WDR76: variants seen among roughly 807,000 people sequenced by gnomAD.
WDR76 encodes WD repeat-containing protein 76.
WDR76 carries 52 observed loss-of-function variants against 70.2 expected under a neutral mutation model. The observed-to-expected ratio is 0.74, with a 90% CI of 0.59 to 0.93. The LOEUF (loss-of-function observed/expected upper bound fraction) is 0.93. WDR76 is among the 40% of genes least tolerant of loss of function. The pLI is 0.00. For missense variants in WDR76, 756 were observed against 760.2 expected, an observed-to-expected ratio of 0.99 and a Z score of 0.07; for synonymous variants, 292 against 271.1, an observed-to-expected ratio of 1.08 and a Z score of -0.76.
At chr15:43,859,876 G>A (rs2140312663) in intron 11 of WDR76, among the ~76,000 whole-genome samples, 1 of 152,346 alleles carries the variant, frequency 6.6e-6, no homozygotes, top group African/African-American at 2.4e-5. Context: ...GAGAAGAGAA[G>A]GAGGTGGTGA....
chr15:43,829,525 T>G (rs943818289), intron 2 of WDR76, among the ~76,000 whole-genome samples: 2 of 78,064 alleles, frequency 2.6e-5, no homozygotes, highest in Non-Finnish European at 6.0e-5. Context: ...TTTTTTTTTT[T>G]GAGACGAGTC....
intron 10 of WDR76, chr15:43,857,511 G>A (rs1209067889): frequency 1.5e-5 from 15 of 985,186 alleles, no homozygotes; most frequent in Non-Finnish European, 1.7e-5. Flanking sequence ...TTCTAGGAAG[G>A]ATTGAAAAAC....
At chr15:43,837,973 T>G (rs1450598245) in intron 4 of WDR76, among the ~76,000 whole-genome samples, 3 of 151,502 alleles carry the variant, frequency 2.0e-5, no homozygotes, top group Non-Finnish European at 4.4e-5. Context: ...CCTCCCAGGT[T>G]CATGCCATTC....
In WDR76 at chr15:43,827,023, A is replaced by G; in HGVS notation, c.-10A>G. 1 of 1,613,814 alleles carries G rather than the reference A, an allele frequency of 6.2e-7. No individual in the cohort carries two copies. Among genetic ancestry groups the G allele is most frequent in the Non-Finnish European group, 8.5e-7 (1 of 1,179,980 alleles). On this transcript the variant is annotated 5_prime_UTR_variant, in exon 1 of 13. Coordinates refer to ENST00000263795, the MANE Select transcript of WDR76 (RefSeq NM_024908.4). ...TGGCGGGAAGGCGCCGGCCGCTAAG[A>G]AGCCGAAAGATGTCCAGGTCGGGCG...
intron 3 of WDR76, among the ~76,000 whole-genome samples, chr15:43,835,405 C>A (rs1248189277): frequency 1.3e-5 from 2 of 148,162 alleles, no homozygotes; most frequent in Non-Finnish European, 3.0e-5. Flanking sequence ...GGAAGGATGG[C>A]TTGAGTTTGG....
chr15:43,828,157 AAAAT>A lies in WDR76; in HGVS notation c.257_260del (p.Ile86ArgfsTer12). The A allele has an allele frequency of 1.9e-6, 3 of 1,614,106 alleles. No individual in the cohort carries two copies. In the South Asian group the frequency reaches 3.3e-5, roughly 18 times the overall value. On this transcript the variant is annotated frameshift_variant, in exon 2 of 13. Coordinates refer to ENST00000263795, the MANE Select transcript of WDR76 (RefSeq NM_024908.4). LOFTEE classifies it high-confidence loss of function. Reference sequence around the variant, plus strand: ...CAATGAAGTGGCGTGTAAGAAGACTAAAATAAAGAAAACTTGCAGAAGGATTATA... The same window carrying A: ...CAATGAAGTGGCGTGTAAGAAGACTAAAAGAAAACTTGCAGAAGGATTATA...
rs201304087 is a variant in WDR76 at position 43,832,743 on chromosome 15, G to GTTTTTTTTTT, written c.463-2300_463-2291dup. On this transcript the variant is annotated intron_variant, in intron 2 of 12. Transcript: ENST00000263795. ...TGAGCCATTGCACCCGGCTTGCTTTGTTTTTTTTTTTTTTTTTTTTTTTTT... is the reference window on the plus strand; with the variant it reads ...TGAGCCATTGCACCCGGCTTGCTTTGTTTTTTTTTTTTTTTTTTTTTTTTTTTTTTTTTTT... 5.4e-4 allele frequency among the ~76,000 whole-genome samples: 37 copies of GTTTTTTTTTT among 68,112 alleles called. 10 individuals carry two copies. The highest frequency in any genetic ancestry group is 1.3e-3 in the South Asian group (2 of 1,510). The allele number at this position is 68,112 out of a possible 152,430, so 44.7% of individuals were successfully genotyped here.
rs185564601 is a variant in WDR76 at position 43,848,585 on chromosome 15, G to T, written c.1033-2502G>T. ...ATTGTCTTCAAAGGAAGTTTTCTTG[G>T]CCCACGGGAGTGGTAACACCCTCCA... On this transcript the variant is annotated intron_variant, in intron 8 of 12. Coordinates refer to ENST00000263795, the MANE Select transcript of WDR76 (RefSeq NM_024908.4). 2.4e-3 allele frequency among the ~76,000 whole-genome samples: 365 copies of T among 152,274 alleles called. 2 individuals are homozygous for T. The highest frequency in any genetic ancestry group is 2.5e-3 in the South Asian group (12 of 4,822).
At chr15:43,848,937 T>G (rs1469756540) in intron 8 of WDR76, among the ~76,000 whole-genome samples, 2 of 150,730 alleles carry the variant, frequency 1.3e-5, no homozygotes, top group Non-Finnish European at 3.0e-5. Context: ...AGACTTTTTT[T>G]TTTTTTTTTT....
At chr15:43,855,964 A>G (rs1595451623) in intron 9 of WDR76, among the ~76,000 whole-genome samples, 1 of 152,198 alleles carries the variant, frequency 6.6e-6, no homozygotes, top group Admixed American at 6.6e-5. Context: ...TATCTTGAGT[A>G]TGCTTCCACA....
At chr15:43,835,790 C>G (rs1262737852) in intron 3 of WDR76, among the ~76,000 whole-genome samples, 2 of 151,584 alleles carry the variant, frequency 1.3e-5, no homozygotes, top group African/African-American at 4.8e-5. Flanking sequence ...TCCCAAGTAG[C>G]TGGGATTACA....
chr15:43,828,679 T>C (rs1230573059), intron 2 of WDR76, among the ~76,000 whole-genome samples: 2 of 152,196 alleles, frequency 1.3e-5, no homozygotes, highest in African/African-American at 2.4e-5. Flanking sequence ...TTCTCACCTT[T>C]ACATGTTTAT....
Position 43,839,669 on chromosome 15 carries a change from C to T in WDR76, c.673C>T (p.Pro225Ser). Residue 225 changes from proline (P) to serine (S), a missense_variant, in exon 5 of 13, where the codon CCT (proline) becomes TCT (serine). Physicochemically the swap from Pro to Ser is moderately conservative, Grantham distance 74. Transcript: ENST00000263795. Reference protein sequence around the residue: ...RRSMRLLKVDPSGVSLPAAPT... With the variant: ...RRSMRLLKVDSSGVSLPAAPT... ...GTCAATGCGATTACTAAAAGTTGAT[C>T]CTTCGGGAGTTTCATTACCAGCAGC... is the stretch of plus-strand genomic sequence containing the variant. The T allele has an allele frequency of 2.5e-6, 4 of 1,612,390 alleles. No individual in the cohort carries two copies. In the East Asian group the frequency reaches 8.9e-5, roughly 36 times the overall value.
At chr15:43,855,611 T>G (rs887115614) in intron 9 of WDR76, among the ~76,000 whole-genome samples, 1 of 152,222 alleles carries the variant, frequency 6.6e-6, no homozygotes, top group Non-Finnish European at 1.5e-5. Context: ...GAAGATTTAT[T>G]TTTTATTCTT....
At chr15:43,849,544 GA>G (rs1156334110) in intron 8 of WDR76, among the ~76,000 whole-genome samples, 4 of 151,658 alleles carry the variant, frequency 2.6e-5, no homozygotes, top group African/African-American at 7.2e-5. Context: ...GATTTGGAAT[GA>G]TTTTTTTTTT....
rs1278554240 is a variant in WDR76, at chr15:43,843,939, A to G, written c.917A>G (p.Asp306Gly). 2 of 1,609,616 alleles carry G rather than the reference A, an allele frequency of 1.2e-6. No homozygotes were observed. The highest frequency in any genetic ancestry group is 2.2e-5 in the East Asian group (1 of 44,698). ...TTAAATGGCATGGTCATTAGTGAAG[A>G]TACCGTTTACAAAGTTACCACAGGC... is the stretch of plus-strand genomic sequence containing the variant. ...ANLNGMVISE[D>G]TVYKVTTGPI... The change falls in exon 8 of 13, where the codon GAT (aspartate) becomes GGT (glycine). Residue 306 changes from aspartate (D) to glycine (G), a missense_variant. Physicochemically the swap from Asp to Gly is moderately conservative, Grantham distance 94. Transcript: ENST00000263795.
At chr15:43,857,985 G>GA (rs2087950548) in intron 10 of WDR76, among the ~76,000 whole-genome samples, 1 of 114,024 alleles carries the variant, frequency 8.8e-6, no homozygotes, top group African/African-American at 3.2e-5. Context: ...TTTTTTTTGA[G>GA]ATGGAATCTT....
chr15:43,845,706 A>G (rs1042657841), intron 8 of WDR76, among the ~76,000 whole-genome samples: 7 of 150,620 alleles, frequency 4.6e-5, no homozygotes, highest in Non-Finnish European at 8.9e-5. Flanking sequence ...TGAGTCAGAA[A>G]TAGATACTGA....
At chr15:43,828,942 G>C (rs1280802779) in intron 2 of WDR76, among the ~76,000 whole-genome samples, 5 of 148,046 alleles carry the variant, frequency 3.4e-5, no homozygotes, top group Non-Finnish European at 7.4e-5. Context: ...TCGCTCTGTC[G>C]CCCAGGCCAG....
Sources: gnomAD v4.1 joint callset for allele counts (sites outside exome capture counted in the v4.1 genomes callset) on GRCh38, gnomAD v4.1.1 for gene constraint, MANE v1.5 for transcripts, NCBI Gene and HGNC (gene_info 2026-07-23, HGNC 2026-07-21) for gene names.